Variants in DCAF6 observed in about 807,000 individuals in gnomAD.
DCAF6 encodes DDB1- and CUL4-associated factor 6.
In DCAF6, 54 loss-of-function variants were observed where a neutral mutation model predicts 125.1. The observed-to-expected ratio is 0.43, with a 90% CI of 0.35 to 0.54. The LOEUF (loss-of-function observed/expected upper bound fraction) is 0.54. DCAF6 is among the 20% of genes least tolerant of loss of function. The pLI is 0.01. For missense variants in DCAF6, 934 were observed against 1,161.7 expected (o/e 0.80, Z 2.85); for synonymous variants, 371 against 390.4 (o/e 0.95, Z 0.58).
intron 12 of DCAF6, among the ~76,000 whole-genome samples, chr1:168,030,535 C>T (rs749997121): frequency 2.0e-5 from 3 of 152,238 alleles, no homozygotes; most frequent in African/African-American, 4.8e-5. Context: ...GAATCACTTA[C>T]GAAGTTCTCC....
chr1:167,974,023 C>T (rs963089480), intron 3 of DCAF6, among the ~76,000 whole-genome samples: 4 of 152,112 alleles, frequency 2.6e-5, no homozygotes, highest in African/African-American at 4.8e-5. Context: ...TCTGTTTTCA[C>T]ATAAGCTTGT....
rs370002372 is a variant in DCAF6 at position 168,054,819 on chromosome 1, GTT to G, written c.2300+3900_2300+3901del. ...TAAATTAAAAGAACATACGGGTTTG[GTT>G]TTTTTTTTTTTTTGAGACGGAGTCT... On this transcript the variant is annotated intron_variant, in intron 17 of 21. Coordinates refer to ENST00000367840, the MANE Select transcript of DCAF6 (RefSeq NM_001198956.2). Among the ~76,000 whole-genome samples, 1,387 of 141,044 alleles carry G rather than the reference GTT, an allele frequency of 9.8e-3. 13 individuals carry two copies. The highest frequency in any genetic ancestry group is 0.034 in the African/African-American group (1,304 of 38,802). 92.5% of individuals were successfully genotyped at this position (141,044 alleles called of 152,430 possible).
chr1:167,928,482 A>AAT, the DCAF6 span, among the ~76,000 whole-genome samples: 1 of 152,256 alleles, frequency 6.6e-6, no homozygotes, highest in Admixed American at 6.5e-5. Context: ...TTAGACATAT[A>AAT]TAAAACAGAT....
chr1:167,867,505 G>A, the DCAF6 span, among the ~76,000 whole-genome samples: 1 of 152,160 alleles, frequency 6.6e-6, no homozygotes, highest in Non-Finnish European at 1.5e-5. Context: ...AGTGTACGAG[G>A]ACTCTAAAAG....
the DCAF6 span, among the ~76,000 whole-genome samples, chr1:167,922,315 C>T: frequency 6.6e-6 from 1 of 152,076 alleles, no homozygotes; most frequent in Admixed American, 6.5e-5. Flanking sequence ...CAATATCTCA[C>T]AACAGTAATG....
chr1:167,885,842 C>T, the DCAF6 span, among the ~76,000 whole-genome samples: 1,558 of 152,276 alleles, frequency 0.01, 27 homozygotes, highest in African/African-American at 0.035. Flanking sequence ...TCTTGAACTC[C>T]TGATCTCGTG....
At chr1:167,930,434 T>C in the DCAF6 span, among the ~76,000 whole-genome samples, 2 of 152,140 alleles carry the variant, frequency 1.3e-5, no homozygotes, top group African/African-American at 4.8e-5. Flanking sequence ...AAATTACTTG[T>C]TTAAAATAAA....
At chr1:167,980,498 G>C (rs549634309) in intron 4 of DCAF6, among the ~76,000 whole-genome samples, 1 of 152,144 alleles carries the variant, frequency 6.6e-6, no homozygotes, top group South Asian at 2.1e-4. Flanking sequence ...TTTTTTTTTA[G>C]TGGGCATTCC....
the DCAF6 span, among the ~76,000 whole-genome samples, chr1:167,871,694 T>C: frequency 6.6e-6 from 1 of 152,260 alleles, no homozygotes; most frequent in African/African-American, 2.4e-5. Flanking sequence ...ATGTCTTTGT[T>C]GAAGGACCAT....
intron 7 of DCAF6, among the ~76,000 whole-genome samples, chr1:167,998,899 A>G (rs1682170897): frequency 6.6e-6 from 1 of 151,722 alleles, no homozygotes; most frequent in Non-Finnish European, 1.5e-5. Context: ...CTTCTTCCAA[A>G]CTCCTGTTAA....
At chr1:167,910,686 G>C in the DCAF6 span, among the ~76,000 whole-genome samples, 3 of 152,190 alleles carry the variant, frequency 2.0e-5, no homozygotes, top group African/African-American at 7.2e-5. Flanking sequence ...ACTGTAAACA[G>C]TATGTTCCGT....
At chr1:168,025,026 T>C (rs114970675) in intron 12 of DCAF6, among the ~76,000 whole-genome samples, 1,643 of 152,184 alleles carry the variant, frequency 0.011, 37 homozygotes, top group African/African-American at 0.036. Context: ...GAAGAATAAT[T>C]AAGGCAAAAT....
At chr1:167,940,010 C>G (rs1241147410) in intron 1 of DCAF6, among the ~76,000 whole-genome samples, 8 of 152,038 alleles carry the variant, frequency 5.3e-5, no homozygotes, top group African/African-American at 1.9e-4. Flanking sequence ...TGGGATAGAA[C>G]AAATAGATAA....
At chr1:167,966,262 T>G (rs187449645) in intron 2 of DCAF6, among the ~76,000 whole-genome samples, 7 of 152,358 alleles carry the variant, frequency 4.6e-5, no homozygotes, top group Admixed American at 1.3e-4. Flanking sequence ...CTTGTTTTTT[T>G]AATACATCAA....
intron 14 of DCAF6, among the ~76,000 whole-genome samples, chr1:168,043,509 A>G (rs1688801692): frequency 6.6e-6 from 1 of 152,164 alleles, no homozygotes; most frequent in South Asian, 2.1e-4. Flanking sequence ...AAAAAGGAAT[A>G]GAATCTAAAC....
intron 4 of DCAF6, among the ~76,000 whole-genome samples, chr1:167,986,945 T>C (rs944815207): frequency 6.6e-6 from 1 of 152,210 alleles, no homozygotes; most frequent in African/African-American, 2.4e-5. Context: ...AAAATACATA[T>C]AAAGTTTGAC....
chr1:167,924,660 T>A, the DCAF6 span: 7 of 652,034 alleles, frequency 1.1e-5, no homozygotes, highest in Non-Finnish European at 1.5e-5. Context: ...CCACTTTTAC[T>A]ATGCTTTTTG....
the DCAF6 span, among the ~76,000 whole-genome samples, chr1:167,888,725 A>T: frequency 1.3e-5 from 2 of 151,880 alleles, no homozygotes; most frequent in Admixed American, 1.3e-4. Context: ...AAACACAAAA[A>T]ATTAGCGGGG....
Position 168,045,182 on chromosome 1 carries a change from C to T in DCAF6, c.2213C>T (p.Pro738Leu). 3 of 1,613,638 alleles carry T rather than the reference C, an allele frequency of 1.9e-6. No homozygotes were observed. Among genetic ancestry groups the T allele is most frequent in the Non-Finnish European group, 2.5e-6 (3 of 1,179,834 alleles). The change falls in exon 16 of 22, where the codon CCA (proline) becomes CTA (leucine). Residue 738 changes from proline (P) to leucine (L), a missense_variant. Around this residue, in one of 5 missense-constraint regions of DCAF6, gnomAD observed 559 missense variants for 635.5 expected, o/e 0.88. Transcript: ENST00000367840. ...GACACAGATGACAGTGATGATGACC[C>T]AGTCCTGATCCCAGGTGCAAGGTAT... ...LQDTDDSDDD[P>L]VLIPGARYRA...
Sources: gnomAD v4.1 joint callset for allele counts (sites outside exome capture counted in the v4.1 genomes callset) on GRCh38, gnomAD v4.1.1 for gene constraint, gnomAD v4.1.1 regional missense constraint, MANE v1.5 for transcripts, NCBI Gene and HGNC (gene_info 2026-07-23, HGNC 2026-07-21) for gene names.